The following CMIP variants were observed in gnomAD, a reference collection of about 807,000 sequenced individuals.
The protein encoded by CMIP is C-Maf-inducing protein.
CMIP carries 13 observed loss-of-function variants against 97.3 expected under a neutral mutation model. That is an observed-to-expected ratio of 0.13 (90% CI 0.09 to 0.21). The LOEUF (loss-of-function observed/expected upper bound fraction) is 0.21, where lower values mean the gene tolerates loss of function less well. Ranked by LOEUF, CMIP falls within the 10% of genes least tolerant of loss-of-function variation. The pLI is 1.00. For missense variants in CMIP, 847 were observed against 1,024.9 expected (o/e 0.83, Z 2.37); for synonymous variants, 538 against 436.3 (o/e 1.23, Z -2.91).
At chr16:81,684,613 C>G (rs1417136593) in intron 10 of CMIP, among the ~76,000 whole-genome samples, 1 of 152,246 alleles carries the variant, frequency 6.6e-6, no homozygotes, top group East Asian at 1.9e-4. Context: ...ACATGTCCCC[C>G]ATTAGCTCTG....
intron 10 of CMIP, among the ~76,000 whole-genome samples, chr16:81,685,913 G>T (rs529510168): frequency 6.6e-6 from 1 of 152,188 alleles, no homozygotes; most frequent in African/African-American, 2.4e-5. Context: ...GGTGTGAGCC[G>T]GGCCACCCTC....
At chr16:81,574,431 AC>A (rs1319746699) in intron 1 of CMIP, among the ~76,000 whole-genome samples, 4 of 152,274 alleles carry the variant, frequency 2.6e-5, no homozygotes, top group African/African-American at 9.6e-5. Context: ...TCTCAGCAGG[AC>A]CGGGCGAAGC....
chr16:81,589,398 T>C (rs965400220), intron 1 of CMIP, among the ~76,000 whole-genome samples: 1 of 152,228 alleles, frequency 6.6e-6, no homozygotes, highest in African/African-American at 2.4e-5. Flanking sequence ...CACCTGGCCT[T>C]GTCTTGCTTT....
At position 81,616,918 on chromosome 16, in the gene CMIP, A is replaced by T. The variant is rs2091926275; in HGVS notation, c.427-3958A>T. 1 of 152,596 alleles carries T rather than the reference A, an allele frequency of 6.6e-6. No homozygotes were observed. The highest frequency in any genetic ancestry group is 1.5e-5 in the Non-Finnish European group (1 of 68,324). The allele number at this position is 152,596 out of a possible 1,614,324, so 9.5% of individuals were successfully genotyped here. ...GGCTCCTGCAGCTCAGCAGGAAGTC[A>T]CAGGGGGCGTGGCCAGGCCAGGCAG... On this transcript the variant is annotated intron_variant, in intron 2 of 20. Transcript: ENST00000537098. This position sits in a 1 kb window ranked among gnomAD's most constrained non-coding sequence, Gnocchi z 4.7.
At chr16:81,574,013 A>T (rs955860581) in intron 1 of CMIP, among the ~76,000 whole-genome samples, 4 of 152,048 alleles carry the variant, frequency 2.6e-5, no homozygotes, top group African/African-American at 9.7e-5. Context: ...CCTGGACTGC[A>T]ATCTAGTATA....
chr16:81,479,251 A>T (rs1597462736), intron 1 of CMIP, among the ~76,000 whole-genome samples: 1 of 152,168 alleles, frequency 6.6e-6, no homozygotes, highest in Admixed American at 6.5e-5. Context: ...GGAAGATGTC[A>T]TCTCCTATGG....
chr16:81,588,454 G>A (rs1261066830), intron 1 of CMIP, among the ~76,000 whole-genome samples: 1 of 152,114 alleles, frequency 6.6e-6, no homozygotes, highest in Non-Finnish European at 1.5e-5. Context: ...GTGTGCCACC[G>A]TCCATTGACC....
intron 16 of CMIP, among the ~76,000 whole-genome samples, chr16:81,702,144 T>C (rs1907488365): frequency 6.6e-6 from 1 of 152,144 alleles, no homozygotes; most frequent in South Asian, 2.1e-4. Flanking sequence ...CACATGCATA[T>C]ACTCACACAT....
At chr16:81,468,893 G>A (rs1260867924) in intron 1 of CMIP, among the ~76,000 whole-genome samples, 1 of 152,248 alleles carries the variant, frequency 6.6e-6, no homozygotes, top group South Asian at 2.1e-4. Context: ...TGGGCTGGGG[G>A]CTGGTGGAAT....
intron 1 of CMIP, among the ~76,000 whole-genome samples, chr16:81,525,977 CGTGTGT>C (rs57103908): frequency 0.77 from 115,114 of 149,942 alleles, 44,137 homozygotes; most frequent in South Asian, 0.83. Flanking sequence ...ACTAATAATA[CGTGTGT>C]GTGTGTGTGT....
intron 10 of CMIP, among the ~76,000 whole-genome samples, chr16:81,686,352 C>G (rs1332479460): frequency 3.3e-5 from 5 of 152,190 alleles, no homozygotes; most frequent in Non-Finnish European, 1.5e-5. Flanking sequence ...ATGCACACGA[C>G]AGGCCTCAGG....
chr16:81,696,523 C>T, intron 13 of CMIP, 37 bp from the exon 14 acceptor site: 1 of 1,582,824 alleles, frequency 6.3e-7, no homozygotes, highest in Non-Finnish European at 8.6e-7. Context: ...ACCGGGGCTG[C>T]ATGCAGCTCA....
At chr16:81,637,411 G>A (rs188775995) in intron 3 of CMIP, among the ~76,000 whole-genome samples, 5 of 152,230 alleles carry the variant, frequency 3.3e-5, no homozygotes, top group Middle Eastern at 3.4e-3. Context: ...ACTGTCTTTA[G>A]TCAGTGTCCT....
chr16:81,488,670 C>A (rs570174787), intron 1 of CMIP, among the ~76,000 whole-genome samples: 8 of 152,210 alleles, frequency 5.3e-5, no homozygotes, highest in African/African-American at 1.9e-4. Flanking sequence ...AGCTTCCTTG[C>A]TTTACCGCAG....
chr16:81,645,540 C>G, intron 3 of CMIP: 1 of 1,536,008 alleles, frequency 6.5e-7, no homozygotes, highest in Non-Finnish European at 8.7e-7. Context: ...GCCTGAGAAC[C>G]CTGGCATATG....
rs1219423639 is a variant in CMIP, at chr16:81,627,384, G to A, written c.477+6458G>A. 6.6e-6 allele frequency among the ~76,000 whole-genome samples: 1 copy of A among 152,030 alleles called. No homozygotes were observed. The highest frequency in any genetic ancestry group is 1.5e-5 in the Non-Finnish European group (1 of 67,974). ...GATCGAAGGCTGTGTTGTTTGTGCA[G>A]CAGGCAGAAGGGATCCTGGTAGGAG... On this transcript the variant is annotated intron_variant, in intron 3 of 20. Transcript: ENST00000537098. This position sits in a 1 kb window ranked among gnomAD's most constrained non-coding sequence, Gnocchi z 4.6.
intron 1 of CMIP, among the ~76,000 whole-genome samples, chr16:81,511,506 A>G (rs1440171081): frequency 6.6e-6 from 1 of 152,192 alleles, no homozygotes. Context: ...TCATGGTGTC[A>G]TTTAACACAT....
intron 3 of CMIP, among the ~76,000 whole-genome samples, chr16:81,625,675 T>C (rs1288193331): frequency 6.6e-6 from 1 of 152,218 alleles, no homozygotes; most frequent in Non-Finnish European, 1.5e-5. Flanking sequence ...AGTCTGTCCA[T>C]GTGAACAGGC....
At chr16:81,610,436 A>C in intron 2 of CMIP, 1 of 986,076 alleles carries the variant, frequency 1.0e-6, no homozygotes, top group South Asian at 4.7e-5. Flanking sequence ...GAGGAAAAGG[A>C]GGAGGAGGAG....
Sources: gnomAD v4.1 joint callset for allele counts (sites outside exome capture counted in the v4.1 genomes callset) on GRCh38, gnomAD v4.1.1 for gene constraint, Gnocchi (gnomAD v3.1) non-coding constraint, MANE v1.5 for transcripts, NCBI Gene and HGNC (gene_info 2026-07-23, HGNC 2026-07-21) for gene names.